The following TVP23B variants were observed in gnomAD, a reference collection of about 807,000 sequenced individuals.
TVP23B encodes trans-golgi network vesicle protein 23 homolog B.
In TVP23B, 10 loss-of-function variants were observed where a neutral mutation model predicts 30.6. That is an observed-to-expected ratio of 0.33 (90% confidence interval 0.20 to 0.55). The LOEUF (loss-of-function observed/expected upper bound fraction) is 0.55, where lower values mean the gene tolerates loss of function less well. Among genes scored for constraint, TVP23B ranks in the 20% least tolerant of loss-of-function variants. The pLI, the probability that TVP23B is intolerant of heterozygous loss-of-function variation, is 0.91. For missense variants in TVP23B, 153 were observed against 243.2 expected (o/e 0.63, Z 2.47); for synonymous variants, 67 against 83.1 (o/e 0.81, Z 1.06).
At chr17:18,801,993 C>T (rs536766296) in intron 5 of TVP23B, among the ~76,000 whole-genome samples, 6 of 152,138 alleles carry the variant, frequency 3.9e-5, no homozygotes, top group South Asian at 2.1e-4. Context: ...AGGGCCAAGG[C>T]GGGCGGATCA....
At chr17:18,789,703 A>G in intron 2 of TVP23B, 3 of 399,898 alleles carry the variant, frequency 7.5e-6, no homozygotes, top group Non-Finnish European at 1.4e-5. Context: ...CCAAGAATGT[A>G]CCATTTCTTT....
chr17:18,798,876 T>C lies in TVP23B; in HGVS notation c.395T>C (p.Ile132Thr), dbSNP rs368642562. The C allele has an allele frequency of 6.4e-5, 104 of 1,613,734 alleles. No individual in the cohort carries two copies. The highest frequency in any genetic ancestry group is 8.5e-5 in the Non-Finnish European group (100 of 1,179,882). Reference sequence around the variant, plus strand: ...TCAAGAATCTTTTGGTTGGGACTTATTGCCTGTCCAGTACTGTGGGTGATA... The same window carrying C: ...TCAAGAATCTTTTGGTTGGGACTTACTGCCTGTCCAGTACTGTGGGTGATA... ...AESRIFWLGL[I>T]ACPVLWVIFA... The change falls in exon 5 of 7, where the codon ATT becomes ACT. Residue 132 changes from isoleucine (I) to threonine (T), a missense_variant. Transcript: ENST00000307767.
intron 1 of TVP23B, among the ~76,000 whole-genome samples, chr17:18,787,179 G>A (rs1008991046): frequency 2.0e-5 from 3 of 152,166 alleles, no homozygotes; most frequent in Non-Finnish European, 4.4e-5. Flanking sequence ...CGGATCCCTT[G>A]AGGTCAGGAG....
rs548994748 is a variant in TVP23B at position 18,805,905 on chromosome 17, A to G, written c.*338A>G. 2.4e-4 allele frequency: 249 copies of G among 1,057,260 alleles called. 2 individuals carry two copies. In the South Asian group the frequency reaches 9.2e-3, roughly 39 times the overall value. The allele number at this position is 1,057,260 out of a possible 1,614,324, so 65.5% of individuals were successfully genotyped here. A position where few individuals can be genotyped will look rare whatever the true frequency, so the allele number is the denominator to read the frequency against. On this transcript the variant is annotated 3_prime_UTR_variant, in exon 7 of 7. Coordinates refer to ENST00000307767, the MANE Select transcript of TVP23B (RefSeq NM_016078.6). The stretch of plus-strand genomic sequence containing the variant: ...TTACATAGGTAATGGAGACCTTTGC[A>G]TTTTGATCCATAGAACATAGGAGGA...
intron 1 of TVP23B, among the ~76,000 whole-genome samples, chr17:18,783,093 A>ATTTATTTC (rs1336048050): frequency 9.2e-6 from 1 of 109,020 alleles, no homozygotes; most frequent in Non-Finnish European, 2.0e-5. Flanking sequence ...TTATTTATTG[A>ATTTATTTC]TTGATTGATT....
intron 5 of TVP23B, among the ~76,000 whole-genome samples, chr17:18,799,942 T>C (rs973339472): frequency 3.9e-5 from 6 of 152,174 alleles, no homozygotes; most frequent in African/African-American, 1.2e-4. Flanking sequence ...TGGAAGCTTA[T>C]TGTCTTTTTT....
intron 1 of TVP23B, among the ~76,000 whole-genome samples, chr17:18,785,693 G>C (rs1036175716): frequency 5.3e-5 from 8 of 152,064 alleles, no homozygotes; most frequent in Non-Finnish European, 7.3e-5. Flanking sequence ...GGGCAACATA[G>C]CGAGACCCTA....
intron 6 of TVP23B, among the ~76,000 whole-genome samples, chr17:18,804,883 C>T (rs1158472293): frequency 6.6e-6 from 1 of 151,874 alleles, no homozygotes; most frequent in African/African-American, 2.4e-5. Context: ...CCACCGTGCC[C>T]AGCCTGTATG....
At position 18,785,136 on chromosome 17, in the gene TVP23B, C is replaced by G. The variant is rs1198585163; in HGVS notation, c.12+3831C>G. Reference sequence around the variant, plus strand: ...TGCTTTTGTCCCTCCTTCTTCTCCCCTCCCCCTCCAGATTTTTACTACAGT... The same window carrying G: ...TGCTTTTGTCCCTCCTTCTTCTCCCGTCCCCCTCCAGATTTTTACTACAGT... On this transcript the variant is annotated intron_variant, in intron 1 of 6. Transcript: ENST00000307767. Among the ~76,000 whole-genome samples, 3 of 152,284 alleles carry G rather than the reference C, an allele frequency of 2.0e-5. No homozygotes were observed. The East Asian group carries it at 5.8e-4, about 29-fold the overall frequency.
intron 1 of TVP23B, among the ~76,000 whole-genome samples, chr17:18,788,026 G>A (rs556878186): frequency 9.2e-5 from 14 of 151,978 alleles, no homozygotes; most frequent in African/African-American, 3.4e-4. Flanking sequence ...GAATTGAGGC[G>A]TGAACCACTC....
chr17:18,791,186 A>ATTT, intron 3 of TVP23B, 146 bp downstream of exon 3: 32 of 114,476 alleles, frequency 2.8e-4, no homozygotes, highest in South Asian at 1.0e-3. Context: ...AATTGCATGT[A>ATTT]GTTTTTTTTT....
At position 18,798,936 on chromosome 17, in the gene TVP23B, A is replaced by T. The variant is rs1248271013; in HGVS notation, c.455A>T (p.Lys152Met). 1 of 1,612,572 alleles carries T rather than the reference A, an allele frequency of 6.2e-7. No individual in the cohort carries two copies. The highest frequency in any genetic ancestry group is 8.5e-7 in the Non-Finnish European group (1 of 1,179,580). The change falls in exon 5 of 7, where the codon AAG becomes ATG. Residue 152 changes from lysine to methionine, a missense_variant. Lys to Met is a moderately conservative substitution (Grantham distance 95). Around this residue, in one of 3 missense-constraint regions of TVP23B, gnomAD observed 62 missense variants for 74.3 expected, o/e 0.83. Transcript: ENST00000307767. The part of the protein sequence containing the change: ...AFSALFSFRV[K>M]WLAVVIMGVV... ...AGTGCACTCTTCTCCTTCAGAGTAA[A>T]GTGGTTGGTGAGTATCAGTGTAGAA... is the stretch of plus-strand genomic sequence containing the variant.
intron 1 of TVP23B, among the ~76,000 whole-genome samples, chr17:18,787,381 C>T (rs1296738244): frequency 1.5e-5 from 2 of 129,098 alleles, no homozygotes; most frequent in African/African-American, 6.2e-5. Context: ...CCAGCCTGGG[C>T]GACAGAGCAA....
rs2036241978 is a variant in TVP23B at position 18,805,766 on chromosome 17, T to C, written c.*199T>C. 7 of 1,426,850 alleles carry C rather than the reference T, an allele frequency of 4.9e-6. No homozygotes were observed. Among genetic ancestry groups the C allele is most frequent in the Non-Finnish European group, 6.4e-6 (7 of 1,091,636 alleles). The allele number at this position is 1,426,850 out of a possible 1,614,324, so 88.4% of individuals were successfully genotyped here. On this transcript the variant is annotated 3_prime_UTR_variant, in exon 7 of 7. Transcript: ENST00000307767. ...CCAGCAGTTGGGGCTAGAAAGTATGTGTTGGCACTAGAAACATTGTCAAGA... is the reference window on the plus strand; with the variant it reads ...CCAGCAGTTGGGGCTAGAAAGTATGCGTTGGCACTAGAAACATTGTCAAGA...
chr17:18,805,512 A>T (rs768600923), intron 6 of TVP23B, 29 bp from the exon 7 acceptor site: 7 of 1,551,734 alleles, frequency 4.5e-6, no homozygotes, highest in Non-Finnish European at 5.2e-6. Context: ...CTTTGATGTT[A>T]AGGAGTTTTT....
At chr17:18,800,924 A>G (rs1392019780) in intron 5 of TVP23B, among the ~76,000 whole-genome samples, 3 of 152,332 alleles carry the variant, frequency 2.0e-5, no homozygotes, top group Admixed American at 1.3e-4. Context: ...GTTCACTCTT[A>G]TGTCAGAGCT....
intron 6 of TVP23B, among the ~76,000 whole-genome samples, chr17:18,804,975 A>G (rs2036225561): frequency 6.6e-6 from 1 of 152,064 alleles, no homozygotes; most frequent in South Asian, 2.1e-4. Flanking sequence ...CCTAGAACAT[A>G]AGGATTTTAC....
intron 5 of TVP23B, among the ~76,000 whole-genome samples, chr17:18,799,615 C>G (rs1466088534): frequency 2.2e-4 from 33 of 152,128 alleles, no homozygotes; most frequent in Non-Finnish European, 4.0e-4. Context: ...TAAGAAGGTG[C>G]TAGAAGACTT....
At chr17:18,786,613 G>C (rs1446227382) in intron 1 of TVP23B, among the ~76,000 whole-genome samples, 1 of 152,224 alleles carries the variant, frequency 6.6e-6, no homozygotes, top group Non-Finnish European at 1.5e-5. Context: ...AATTATATCT[G>C]AACCACTGAG....
Sources: gnomAD v4.1 joint callset for allele counts (sites outside exome capture counted in the v4.1 genomes callset) on GRCh38, gnomAD v4.1.1 for gene constraint, gnomAD v4.1.1 regional missense constraint, MANE v1.5 for transcripts, NCBI Gene and HGNC (gene_info 2026-07-23, HGNC 2026-07-21) for gene names.